The following BRCA2 variants were observed in gnomAD, a reference collection of about 807,000 sequenced individuals.
The protein encoded by BRCA2 is breast cancer type 2 susceptibility protein.
In BRCA2, 203 loss-of-function variants were observed where a neutral mutation model predicts 276.7. The observed-to-expected ratio is 0.73, with a 90% CI of 0.65 to 0.82. The LOEUF is 0.82. BRCA2 is among the 40% of genes least tolerant of loss of function. The pLI is 0.00. For synonymous variants in BRCA2, 1,289 were observed against 1,338.4 expected, an observed-to-expected ratio of 0.96 and a Z score of 0.81; for missense variants, 3,920 against 3,915.0, an observed-to-expected ratio of 1.00 and a Z score of -0.03.
At chr13:32,343,351 C>G (rs926149489) in intron 11 of BRCA2, among the ~76,000 whole-genome samples, 1 of 151,996 alleles carries the variant, frequency 6.6e-6, no homozygotes, top group Non-Finnish European at 1.5e-5. Flanking sequence ...TTTAAAAAAC[C>G]TATAAACTCA....
At chr13:32,318,802 AAAAT>A (rs1319717889) in intron 2 of BRCA2, among the ~76,000 whole-genome samples, 5 of 152,246 alleles carry the variant, frequency 3.3e-5, no homozygotes, top group Admixed American at 1.3e-4. Context: ...GAATAATAAG[AAAAT>A]AAATAAAATT....
At chr13:32,394,129 T>C (rs2073016781) in intron 24 of BRCA2, among the ~76,000 whole-genome samples, 1 of 152,286 alleles carries the variant, frequency 6.6e-6, no homozygotes, top group South Asian at 2.1e-4. Context: ...GTCCTCACTC[T>C]TTTTTTACAG....
rs779377781 is a variant in BRCA2, at chr13:32,357,744, G to A, written c.7620G>A (p.Leu2540=). Reference sequence around the variant, plus strand: ...TTGTGTGTGTTTATTTTGTGTAGCTGTATACGTATGGCGTTTCTAAACATT... The same window carrying A: ...TTGTGTGTGTTTATTTTGTGTAGCTATATACGTATGGCGTTTCTAAACATT... ...QVPSACSHKQ[L]YTYGVSKHCI... The change falls in exon 16 of 27, where the codon CTG becomes CTA. Residue 2540 remains leucine, a splice_region_variant and synonymous_variant. Transcript: ENST00000380152. The A allele has an allele frequency of 1.2e-6, 2 of 1,611,102 alleles. No homozygotes were observed. The highest frequency in any genetic ancestry group is 1.7e-6 in the Non-Finnish European group (2 of 1,177,714).
intron 21 of BRCA2, among the ~76,000 whole-genome samples, 192 bp downstream of exon 21, chr13:32,376,983 A>G: frequency 6.6e-6 from 1 of 152,204 alleles, no homozygotes; most frequent in Non-Finnish European, 1.5e-5. Context: ...TATACCGAGT[A>G]GAGGATGGGA....
At chr13:32,358,962 C>T (rs371064503) in intron 16 of BRCA2, among the ~76,000 whole-genome samples, 3 of 150,296 alleles carry the variant, frequency 2.0e-5, no homozygotes, top group East Asian at 4.0e-4. Context: ...TGGCTCACAC[C>T]TATAATCCCA....
chr13:32,388,573 T>G (rs992470342), intron 24 of BRCA2, among the ~76,000 whole-genome samples: 2 of 152,060 alleles, frequency 1.3e-5, no homozygotes, highest in African/African-American at 4.8e-5. Flanking sequence ...ATGATTTTGC[T>G]CAACTGTAGG....
rs80358882 is a variant in BRCA2, at chr13:32,340,816, A to C, written c.6461A>C (p.Tyr2154Ser). 8 of 1,589,656 alleles carry C rather than the reference A, an allele frequency of 5.0e-6. No homozygotes were observed. The highest frequency in any genetic ancestry group is 4.5e-5 in the East Asian group (2 of 44,696). ...AATCACTCTATTAAAGTTTCTCCAT[A>C]TCTCTCTCAATTTCAACAAGACAAA... ...ENNHSIKVSP[Y>S]LSQFQQDKQQ... The change falls in exon 11 of 27, where the codon TAT becomes TCT. Residue 2154 changes from tyrosine to serine, a missense_variant. Physicochemically the swap from Tyr to Ser is moderately radical, Grantham distance 144. Coordinates refer to ENST00000380152, the MANE Select transcript of BRCA2 (RefSeq NM_000059.4).
At chr13:32,315,493 C>T (rs1334958134), upstream of BRCA2, 2 of 152,408 alleles carry the variant, frequency 1.3e-5, no homozygotes, top group Non-Finnish European at 2.9e-5. Flanking sequence ...GCGCGAGCTT[C>T]TGAAACTAGG....
At position 32,379,796 on chromosome 13, in the gene BRCA2, A is replaced by T. The variant is rs786202422; in HGVS notation, c.9000A>T (p.Leu3000Phe). 6.2e-7 allele frequency: 1 copy of T among 1,612,358 alleles called. No individual in the cohort carries two copies. The highest frequency in any genetic ancestry group is 1.7e-5 in the Admixed American group (1 of 60,002). Residue 3000 changes from leucine to phenylalanine, a missense_variant, in exon 23 of 27, where the codon TTA (leucine) becomes TTT (phenylalanine). Physicochemically the swap from Leu to Phe is conservative, Grantham distance 22. Around this residue, in one of 2 missense-constraint regions of BRCA2, gnomAD observed 657 missense variants for 758.2 expected, o/e 0.87. Transcript: ENST00000380152. ...WRPSSDLYSL[L>F]TEGKRYRIYH... ...CATCATCAGATTTATATTCTCTGTT[A>T]ACAGAAGGAAAGAGATACAGAATTT...
Position 32,337,167 on chromosome 13 carries a change from G to A in BRCA2, c.2812G>A (p.Ala938Thr), listed in dbSNP as rs768556548. 1 of 1,613,798 alleles carries A rather than the reference G, an allele frequency of 6.2e-7. No homozygotes were observed. ...VLYGDTGDKQ[A>T]TQVSIKKDLV... is the part of the protein sequence containing the mutation. ...ATATGGAGACACAGGTGATAAACAA[G>A]CAACCCAAGTGTCAATTAAAAAAGA... Residue 938 changes from alanine to threonine, a missense_variant, in exon 11 of 27, where the codon GCA becomes ACA. Around this residue, in one of 2 missense-constraint regions of BRCA2, gnomAD observed 3,263 missense variants for 3,156.9 expected, o/e 1.03. Transcript: ENST00000380152.
intron 7 of BRCA2, among the ~76,000 whole-genome samples, chr13:32,326,819 G>A (rs891459099): frequency 1.3e-5 from 2 of 152,210 alleles, no homozygotes; most frequent in South Asian, 4.1e-4. Context: ...GTGGTGTCAA[G>A]CATTATGTTT....
chr13:32,326,014 A>C (rs2072342336), intron 4 of BRCA2, 87 bp from the exon 5 acceptor site: 3 of 1,171,810 alleles, frequency 2.6e-6, no homozygotes, highest in Non-Finnish European at 2.5e-6. Flanking sequence ...AATTTATATG[A>C]ATGAGAATCT....
Position 32,339,301 on chromosome 13 carries a change from A to G in BRCA2, c.4946A>G (p.Lys1649Arg), listed in dbSNP as rs2137511956. ...GAAAATGTAGAAAAAGAAACAGCAA[A>G]AAGTCCTGCAACTTGTTACACAAAT... ...VHENVEKETA[K>R]SPATCYTNQS... The change falls in exon 11 of 27, where the codon AAA (lysine) becomes AGA (arginine). Residue 1649 changes from lysine to arginine, a missense_variant. Physicochemically the swap from Lys to Arg is conservative, Grantham distance 26. Coordinates refer to ENST00000380152, the MANE Select transcript of BRCA2 (RefSeq NM_000059.4). 1 of 1,604,370 alleles carries G rather than the reference A, an allele frequency of 6.2e-7. No individual in the cohort carries two copies. The highest frequency in any genetic ancestry group is 1.7e-5 in the Admixed American group (1 of 57,828).
In BRCA2 at chr13:32,379,929, T is replaced by TG. The variant is rs1555288521; in HGVS notation, c.9117+17dup. ...ACAACTACCGGTACAAACCTTTCAT[T>TG]GTAATTTTTCAGTTTTGATAAGTGC... On this transcript the variant is annotated intron_variant, in intron 23 of 26. Transcript: ENST00000380152. 6.2e-7 allele frequency: 1 copy of TG among 1,613,114 alleles called. No homozygotes were observed. Among genetic ancestry groups the TG allele is most frequent in the Non-Finnish European group, 8.5e-7 (1 of 1,179,340 alleles).
chr13:32,377,736 C>T (rs2137616003), intron 21 of BRCA2, among the ~76,000 whole-genome samples: 1 of 151,938 alleles, frequency 6.6e-6, no homozygotes, highest in South Asian at 2.1e-4. Flanking sequence ...AATTTTTAGA[C>T]AGGTAGATAG....
At chr13:32,362,197 T>A (rs2072741501) in intron 16 of BRCA2, among the ~76,000 whole-genome samples, 1 of 152,016 alleles carries the variant, frequency 6.6e-6, no homozygotes, top group African/African-American at 2.4e-5. Context: ...TGATTTTTTT[T>A]ATTATTTTTT....
Position 32,356,500 on chromosome 13 carries a change from T to G in BRCA2, c.7508T>G (p.Val2503Gly), listed in dbSNP as rs786203292. ...MRIKKKQRQR[V>G]FPQPGSLYLA... ...ATTAAGAAGAAACAAAGGCAACGCGTCTTTCCACAGCCAGGCAGTCTGTAT... is the reference window on the plus strand; with the variant it reads ...ATTAAGAAGAAACAAAGGCAACGCGGCTTTCCACAGCCAGGCAGTCTGTAT... The change falls in exon 15 of 27, where the codon GTC becomes GGC. Residue 2503 changes from valine (V) to glycine (G), a missense_variant. Val to Gly is a moderately radical substitution (Grantham distance 109). Around this residue, in one of 2 missense-constraint regions of BRCA2, gnomAD observed 3,263 missense variants for 3,156.9 expected, o/e 1.03. Coordinates refer to ENST00000380152, the MANE Select transcript of BRCA2 (RefSeq NM_000059.4). The G allele has an allele frequency of 6.2e-7, 1 of 1,614,218 alleles. No homozygotes were observed. Among genetic ancestry groups the G allele is most frequent in the Non-Finnish European group, 8.5e-7 (1 of 1,180,012 alleles).
At chr13:32,390,312 CTGGG>C (rs1342077977) in intron 24 of BRCA2, among the ~76,000 whole-genome samples, 1 of 152,062 alleles carries the variant, frequency 6.6e-6, no homozygotes, top group African/African-American at 2.4e-5. Flanking sequence ...TAATTTTAGG[CTGGG>C]CGCAGTAGCT....
chr13:32,352,634 A>C (rs1198619398), intron 13 of BRCA2, among the ~76,000 whole-genome samples: 1 of 152,226 alleles, frequency 6.6e-6, no homozygotes, highest in African/African-American at 2.4e-5. Flanking sequence ...AGAGGGAAAC[A>C]AAAAGAAATG....
Sources: gnomAD v4.1 joint callset for allele counts (sites outside exome capture counted in the v4.1 genomes callset) on GRCh38, gnomAD v4.1.1 for gene constraint, gnomAD v4.1.1 regional missense constraint, MANE v1.5 for transcripts, NCBI Gene and HGNC (gene_info 2026-07-23, HGNC 2026-07-21) for gene names.